Variants in ENOX2 observed in about 807,000 individuals in gnomAD.
The protein encoded by ENOX2 is ecto-NOX disulfide-thiol exchanger 2.
A neutral mutation model predicts 45.0 loss-of-function variants in ENOX2; 36 were observed. That is an observed-to-expected ratio of 0.80 (90% CI 0.61 to 1.06). The LOEUF is 1.06. ENOX2 is among the 50% of genes least tolerant of loss of function. The pLI is 0.00. For synonymous variants in ENOX2, 174 were observed against 152.3 expected, an observed-to-expected ratio of 1.14 and a Z score of -1.05; for missense variants, 423 against 462.5, an observed-to-expected ratio of 0.91 and a Z score of 0.78.
intron 3 of ENOX2, among the ~76,000 whole-genome samples, chrX:130,773,945 T>C (rs1001495894): frequency 4.5e-5 from 5 of 112,256 alleles, no homozygotes; most frequent in Middle Eastern, 4.6e-3. Flanking sequence ...TTCATCATTA[T>C]GGATTTTTAT....
At chrX:130,866,666 G>A (rs189323756) in intron 2 of ENOX2, among the ~76,000 whole-genome samples, 4 of 111,429 alleles carry the variant, frequency 3.6e-5, no homozygotes, top group Non-Finnish European at 7.5e-5. Context: ...CTCTCGTTCC[G>A]ACAAATCCCT....
intron 2 of ENOX2, among the ~76,000 whole-genome samples, chrX:130,898,137 A>G (rs976560121): frequency 9.1e-6 from 1 of 110,269 alleles, no homozygotes; most frequent in African/African-American, 3.3e-5. Flanking sequence ...CCTCCCGAGT[A>G]GCTGGGATTA....
chrX:130,748,186 T>C (rs1286383619), intron 3 of ENOX2, among the ~76,000 whole-genome samples: 2 of 112,251 alleles, frequency 1.8e-5, no homozygotes, highest in African/African-American at 6.5e-5. Context: ...TCACTTCATT[T>C]TGAGTTAATA....
chrX:130,640,175 C>A (rs186970053), intron 10 of ENOX2, among the ~76,000 whole-genome samples: 1 of 111,822 alleles, frequency 8.9e-6, no homozygotes, highest in East Asian at 2.8e-4. Flanking sequence ...CCCCAAGGGC[C>A]TCACCCCCTA....
At chrX:130,761,866 A>G (rs1174821554) in intron 3 of ENOX2, among the ~76,000 whole-genome samples, 1 of 111,733 alleles carries the variant, frequency 8.9e-6, no homozygotes. Context: ...TCAACACAAG[A>G]TTTGAGTGGG....
At chrX:130,806,029 C>T (rs752546979) in intron 2 of ENOX2, among the ~76,000 whole-genome samples, 10 of 112,056 alleles carry the variant, frequency 8.9e-5, no homozygotes, top group Non-Finnish European at 1.7e-4. Context: ...GATCTGTTTG[C>T]AGGAGATTGC....
intron 2 of ENOX2, among the ~76,000 whole-genome samples, chrX:130,853,447 G>A (rs1298888618): frequency 4.7e-5 from 4 of 84,322 alleles, no homozygotes; most frequent in Admixed American, 4.4e-4. Context: ...CTGGGTGACA[G>A]AGCGAGACTC....
intron 3 of ENOX2, among the ~76,000 whole-genome samples, chrX:130,759,170 GT>G (rs1169429271): frequency 9.0e-6 from 1 of 110,743 alleles, no homozygotes; most frequent in African/African-American, 3.3e-5. Flanking sequence ...TTCTCTAAAA[GT>G]TTTATAATTT....
intron 2 of ENOX2, among the ~76,000 whole-genome samples, chrX:130,794,285 A>G (rs1385153330): frequency 1.8e-5 from 2 of 112,676 alleles, no homozygotes; most frequent in East Asian, 5.5e-4. Flanking sequence ...TGCAGATTTC[A>G]GAGCCTGAGG....
At chrX:130,834,550 C>CT (rs1326395733) in intron 2 of ENOX2, among the ~76,000 whole-genome samples, 20 of 103,059 alleles carry the variant, frequency 1.9e-4, no homozygotes, top group Admixed American at 5.2e-4. Context: ...ATCTATTTGT[C>CT]TTTTTTTTTT....
Position 130,703,177 on chromosome X carries a change from C to T in ENOX2, c.40G>A (p.Ala14Thr), listed in dbSNP as rs760892418. The stretch of plus-strand genomic sequence containing the variant: ...GGTGCCATTCCAAGATTATTCATTG[C>T]TGTGGCCCATGCAGTTGGATCAGAC... Reference protein sequence around the residue: ...PMSDPTAWATAMNNLGMAPLG... With the variant: ...PMSDPTAWATTMNNLGMAPLG... The change falls in exon 4 of 15, where the codon GCA becomes ACA. Residue 14 changes from alanine to threonine, a missense_variant. Transcript: ENST00000394363. 8.3e-7 allele frequency: 1 copy of T among 1,208,446 alleles called. No individual in the cohort carries two copies. The highest frequency in any genetic ancestry group is 1.8e-5 in the South Asian group (1 of 56,689).
chrX:130,790,343 A>G (rs1181960523), intron 2 of ENOX2, among the ~76,000 whole-genome samples: 1 of 111,350 alleles, frequency 9.0e-6, no homozygotes, highest in Non-Finnish European at 1.9e-5. Context: ...ACTTTTAATG[A>G]CTCCCCAAAC....
intron 3 of ENOX2, among the ~76,000 whole-genome samples, chrX:130,770,878 C>T (rs2039725032): frequency 8.9e-6 from 1 of 112,112 alleles, no homozygotes; most frequent in Non-Finnish European, 1.9e-5. Flanking sequence ...ACCCTTCAAC[C>T]CAGCAAACTT....
intron 3 of ENOX2, among the ~76,000 whole-genome samples, chrX:130,774,857 T>G (rs939300530): frequency 8.9e-6 from 1 of 112,100 alleles, no homozygotes; most frequent in African/African-American, 3.2e-5. Flanking sequence ...TACCACACAA[T>G]GGACTGTCAT....
At chrX:130,721,254 C>G (rs759782733) in intron 3 of ENOX2, among the ~76,000 whole-genome samples, 1 of 111,710 alleles carries the variant, frequency 9.0e-6, no homozygotes, top group African/African-American at 3.3e-5. Flanking sequence ...ATTGAGTGCT[C>G]TAGTGAGCAC....
rs187319259 is a variant in ENOX2, at chrX:130,648,671, G to A, written c.1129+7910C>T. ...GTGGTGGTGTTGGGCCTAGTGGGAGGTGTTTGGGTCATAAGGGTGGATCCC... is the reference window on the plus strand; with the variant it reads ...GTGGTGGTGTTGGGCCTAGTGGGAGATGTTTGGGTCATAAGGGTGGATCCC... On this transcript the variant is annotated intron_variant, in intron 10 of 14. Coordinates refer to ENST00000394363, the MANE Select transcript of ENOX2 (RefSeq NM_006375.4). 3.9e-3 allele frequency among the ~76,000 whole-genome samples: 423 copies of A among 109,835 alleles called. 2 individuals are homozygous for A. The highest frequency in any genetic ancestry group is 0.014 in the African/African-American group (410 of 30,152).
At chrX:130,733,860 A>T (rs946540300) in intron 3 of ENOX2, among the ~76,000 whole-genome samples, 56 of 112,480 alleles carry the variant, frequency 5.0e-4, no homozygotes, top group African/African-American at 1.7e-3. Context: ...TGGATGTGAT[A>T]TTATACTACA....
At chrX:130,833,691 A>G (rs1246048054) in intron 2 of ENOX2, among the ~76,000 whole-genome samples, 1 of 111,316 alleles carries the variant, frequency 9.0e-6, no homozygotes, top group Non-Finnish European at 1.9e-5. Context: ...TTTGCTGCCA[A>G]CTAAGATGAA....
chrX:130,634,731 G>C (rs2035884708), intron 12 of ENOX2, among the ~76,000 whole-genome samples: 1 of 111,560 alleles, frequency 9.0e-6, no homozygotes, highest in African/African-American at 3.3e-5. Flanking sequence ...AGAAGACTGA[G>C]GAGTTTTAGG....
Sources: gnomAD v4.1 joint callset for allele counts (sites outside exome capture counted in the v4.1 genomes callset) on GRCh38, gnomAD v4.1.1 for gene constraint, MANE v1.5 for transcripts, NCBI Gene and HGNC (gene_info 2026-07-23, HGNC 2026-07-21) for gene names.